Variants in DNAJB4 observed in about 807,000 individuals in gnomAD.
DNAJB4 encodes DnaJ heat shock protein family (Hsp40) member B4.
DNAJB4 carries 10 observed loss-of-function variants against 26.6 expected under a neutral mutation model. The ratio of observed to expected loss-of-function variants is 0.38; its 90% CI spans 0.23 to 0.64. DNAJB4 has a LOEUF of 0.64. Ranked by LOEUF, DNAJB4 falls within the 30% of genes least tolerant of loss-of-function variation. The pLI is 0.58. For synonymous variants in DNAJB4, 136 were observed against 134.8 expected (o/e 1.01, Z -0.06); for missense variants, 328 against 408.2 (o/e 0.80, Z 1.69).
intron 1 of DNAJB4, among the ~76,000 whole-genome samples, chr1:77,999,429 G>C (rs1385810192): frequency 7.2e-6 from 1 of 138,982 alleles, no homozygotes; most frequent in Non-Finnish European, 1.7e-5. Flanking sequence ...GCATAGAACA[G>C]GTTTTTTTTT....
At chr1:77,984,253 T>A (rs1338461027) in intron 1 of DNAJB4, among the ~76,000 whole-genome samples, 1 of 152,234 alleles carries the variant, frequency 6.6e-6, no homozygotes, top group Non-Finnish European at 1.5e-5. Flanking sequence ...CCCTAAGTCA[T>A]TGAACTACTT....
At chr1:77,991,342 A>G (rs74577070) in intron 1 of DNAJB4, among the ~76,000 whole-genome samples, 1 of 152,296 alleles carries the variant, frequency 6.6e-6, no homozygotes, top group East Asian at 1.9e-4. Context: ...TCAGTTCTGT[A>G]TTTATGAATT....
intron 1 of DNAJB4, among the ~76,000 whole-genome samples, chr1:77,981,784 TAAA>T (rs1557498233): frequency 6.6e-6 from 1 of 152,180 alleles, no homozygotes; most frequent in East Asian, 1.9e-4. Flanking sequence ...TCAAATCTAA[TAAA>T]AGAACAAACA....
chr1:77,991,359 C>T (rs1409989029), intron 1 of DNAJB4, among the ~76,000 whole-genome samples: 12 of 152,176 alleles, frequency 7.9e-5, no homozygotes, highest in Middle Eastern at 3.2e-3. Flanking sequence ...AATTTGCCTA[C>T]TCACCGAAAT....
At chr1:78,001,577 G>A (rs1660195977), upstream of DNAJB4, among the ~76,000 whole-genome samples, 1 of 152,064 alleles carries the variant, frequency 6.6e-6, no homozygotes, top group Non-Finnish European at 1.5e-5. Flanking sequence ...AAGAAAACTT[G>A]TTTTTTATTA....
At position 78,013,396 on chromosome 1, in the gene DNAJB4, T is replaced by C. The variant is rs765585053; in HGVS notation, c.557T>C (p.Leu186Pro). The C allele has an allele frequency of 3.7e-6, 6 of 1,614,084 alleles. No homozygotes were observed. In the East Asian group the frequency reaches 1.1e-4, roughly 30 times the overall value. ...CGGATGAAGATTTCTCGAAAAAGGC[T>C]AAACGCTGATGGAAGGAGTTACAGA... ...TKRMKISRKR[L>P]NADGRSYRSE... The change falls in exon 2 of 3, where the codon CTA becomes CCA. Residue 186 changes from leucine (L) to proline (P), a missense_variant. By Grantham distance (98) the Leu-to-Pro change is moderately conservative. Coordinates refer to ENST00000370763, the MANE Select transcript of DNAJB4 (RefSeq NM_007034.5).
chr1:77,991,717 CT>C (rs943958083), intron 1 of DNAJB4, among the ~76,000 whole-genome samples: 9 of 151,278 alleles, frequency 5.9e-5, no homozygotes, highest in South Asian at 2.1e-4. Flanking sequence ...TATTTTTGTG[CT>C]TTTTTTTTAT....
At chr1:77,990,933 A>G (rs977441980) in intron 1 of DNAJB4, among the ~76,000 whole-genome samples, 5 of 152,238 alleles carry the variant, frequency 3.3e-5, no homozygotes, top group African/African-American at 1.2e-4. Context: ...TAGAAATAAA[A>G]CAGGACCCCG....
intron 2 of DNAJB4, among the ~76,000 whole-genome samples, chr1:78,015,601 G>A (rs1238536485): frequency 7.2e-6 from 1 of 138,414 alleles, no homozygotes; most frequent in Non-Finnish European, 1.5e-5. Flanking sequence ...CCAGGCTGGA[G>A]TGCAATGGCA....
At chr1:77,983,897 C>G (rs1432633173) in intron 1 of DNAJB4, among the ~76,000 whole-genome samples, 3 of 152,178 alleles carry the variant, frequency 2.0e-5, no homozygotes, top group South Asian at 2.1e-4. Flanking sequence ...TGTACAAGCT[C>G]TGGCCGACTT....
At chr1:78,000,151 T>C (rs1364182824), upstream of DNAJB4, among the ~76,000 whole-genome samples, 1 of 152,190 alleles carries the variant, frequency 6.6e-6, no homozygotes, top group Non-Finnish European at 1.5e-5. Flanking sequence ...TGAGTGTGTG[T>C]GCATGTATGC....
At chr1:77,983,494 A>C (rs1187300600) in intron 1 of DNAJB4, among the ~76,000 whole-genome samples, 1 of 152,152 alleles carries the variant, frequency 6.6e-6, no homozygotes, top group African/African-American at 2.4e-5. Context: ...CATGGGGAGA[A>C]ACCTTGGACA....
intron 1 of DNAJB4, among the ~76,000 whole-genome samples, chr1:77,990,775 G>A (rs1219715842): frequency 6.6e-6 from 1 of 152,174 alleles, no homozygotes; most frequent in Non-Finnish European, 1.5e-5. Flanking sequence ...AAATTATACA[G>A]ATGCTATTTC....
chr1:78,012,608 G>A (rs1252631919), intron 1 of DNAJB4, among the ~76,000 whole-genome samples: 1 of 152,018 alleles, frequency 6.6e-6, no homozygotes, highest in Non-Finnish European at 1.5e-5. Context: ...TTGGGAGTTC[G>A]AGACCAGCCT....
At chr1:77,984,666 G>T (rs1393666023) in intron 1 of DNAJB4, among the ~76,000 whole-genome samples, 1 of 152,064 alleles carries the variant, frequency 6.6e-6, no homozygotes. Context: ...GTCAAGGACC[G>T]CGTCTTATTC....
chr1:77,982,209 T>C (rs888860631), intron 1 of DNAJB4, among the ~76,000 whole-genome samples: 1 of 152,248 alleles, frequency 6.6e-6, no homozygotes, highest in Admixed American at 6.5e-5. Context: ...TATACTTGTT[T>C]CCTAGATGTT....
chr1:78,005,424 T>G (rs967351821), intron 1 of DNAJB4, 103 bp downstream of exon 1: 19 of 997,888 alleles, frequency 1.9e-5, no homozygotes, highest in Non-Finnish European at 2.6e-5. Flanking sequence ...CTTGTTAAGG[T>G]TATCCTTAAA....
Position 78,004,958 on chromosome 1 carries a change from C to T in DNAJB4, c.-153C>T. 2 of 730,054 alleles carry T rather than the reference C, an allele frequency of 2.7e-6. No individual in the cohort carries two copies. The highest frequency in any genetic ancestry group is 1.8e-5 in the South Asian group (1 of 56,046). The allele number at this position is 730,054 out of a possible 1,614,324, so 45.2% of individuals were successfully genotyped here. A position where few individuals can be genotyped will look rare whatever the true frequency, so the allele number is the denominator to read the frequency against. On this transcript the variant is annotated 5_prime_UTR_variant, in exon 1 of 3. Coordinates refer to ENST00000370763, the MANE Select transcript of DNAJB4 (RefSeq NM_007034.5). The stretch of plus-strand genomic sequence containing the variant: ...TGGGGAAGGATTGAATACAGAGACG[C>T]TGTCTGCTTGCTGCCTTAAGACAGC...
upstream of DNAJB4, among the ~76,000 whole-genome samples, chr1:78,001,626 C>A (rs1393206571): frequency 3.3e-5 from 5 of 152,164 alleles, no homozygotes; most frequent in African/African-American, 1.2e-4. Context: ...AAGATGACAT[C>A]AACTGAATAA....
Sources: gnomAD v4.1 joint callset for allele counts (sites outside exome capture counted in the v4.1 genomes callset) on GRCh38, gnomAD v4.1.1 for gene constraint, MANE v1.5 for transcripts, NCBI Gene and HGNC (gene_info 2026-07-23, HGNC 2026-07-21) for gene names.